EPHA6: variants seen among roughly 807,000 people sequenced by gnomAD.
EPHA6 encodes ephrin type-A receptor 6.
Under a neutral mutation model 112.0 loss-of-function variants are expected in EPHA6, and 50 were observed. The ratio of observed to expected loss-of-function variants is 0.45; its 90% CI spans 0.36 to 0.56. The LOEUF (loss-of-function observed/expected upper bound fraction) is 0.56. EPHA6 is among the 20% of genes least tolerant of loss of function. EPHA6 has a pLI of 0.00. For synonymous variants in EPHA6, 529 were observed against 490.7 expected (o/e 1.08, Z -1.03); for missense variants, 1,280 against 1,417.4 (o/e 0.90, Z 1.56).
chr3:97,080,301 G>T lies in EPHA6; in HGVS notation c.1114+92308G>T, dbSNP rs564095339. Among the ~76,000 whole-genome samples, 16 of 152,190 alleles carry T rather than the reference G, an allele frequency of 1.1e-4. No individual in the cohort carries two copies. The South Asian group carries it at 3.1e-3, about 30-fold the overall frequency. ...CTGCAACAACTCAGTTTGGAAGTGT[G>T]GGGGAGGGAGTTAATGGCAGGATAT... is the stretch of plus-strand genomic sequence containing the variant. On this transcript the variant is annotated intron_variant, in intron 3 of 17. Transcript: ENST00000389672.
At chr3:97,014,077 T>C (rs1349697143) in intron 3 of EPHA6, among the ~76,000 whole-genome samples, 1 of 152,124 alleles carries the variant, frequency 6.6e-6, no homozygotes, top group Non-Finnish European at 1.5e-5. Flanking sequence ...TCTTATACTG[T>C]GTACTTGATT....
chr3:97,547,468 C>T (rs552411648), intron 11 of EPHA6, among the ~76,000 whole-genome samples: 12 of 152,244 alleles, frequency 7.9e-5, no homozygotes, highest in East Asian at 1.9e-4. Context: ...GGTGTCAGTC[C>T]GCCCATACTG....
intron 3 of EPHA6, among the ~76,000 whole-genome samples, chr3:97,012,607 G>GTATATA (rs200070318): frequency 6.8e-5 from 9 of 132,114 alleles, no homozygotes; most frequent in African/African-American, 2.5e-4. Flanking sequence ...GTGTGTGTGT[G>GTATATA]TATATATATA....
chr3:97,642,444 G>T (rs2094016905), intron 14 of EPHA6, among the ~76,000 whole-genome samples: 1 of 145,866 alleles, frequency 6.9e-6, no homozygotes, highest in East Asian at 2.0e-4. Context: ...GATGGAGAAT[G>T]ACTTTGACGA....
At chr3:97,329,581 T>A (rs1197625501) in intron 5 of EPHA6, among the ~76,000 whole-genome samples, 2 of 152,076 alleles carry the variant, frequency 1.3e-5, no homozygotes, top group African/African-American at 2.4e-5. Context: ...TGATGAGCAT[T>A]TTTTCATGTG....
intron 3 of EPHA6, among the ~76,000 whole-genome samples, chr3:97,043,219 G>A (rs2045379546): frequency 6.6e-6 from 1 of 151,986 alleles, no homozygotes; most frequent in African/African-American, 2.4e-5. Context: ...TAAGGCCTCA[G>A]TCCTAATATA....
At chr3:97,330,983 C>T (rs1262770212) in intron 5 of EPHA6, among the ~76,000 whole-genome samples, 1 of 151,954 alleles carries the variant, frequency 6.6e-6, no homozygotes, top group Non-Finnish European at 1.5e-5. Context: ...CAAAATTGAC[C>T]ACATAGTTGG....
At chr3:97,362,245 T>C (rs2084410436) in intron 5 of EPHA6, among the ~76,000 whole-genome samples, 1 of 152,230 alleles carries the variant, frequency 6.6e-6, no homozygotes, top group East Asian at 1.9e-4. Context: ...TTGAGTTTAA[T>C]AGAGATTAAT....
intron 3 of EPHA6, among the ~76,000 whole-genome samples, chr3:97,118,284 T>A: frequency 6.6e-6 from 1 of 151,790 alleles, no homozygotes; most frequent in East Asian, 1.9e-4. Context: ...GAATATTATT[T>A]GTCTTTTTTT....
chr3:96,964,141 C>G (rs867798993), intron 2 of EPHA6, among the ~76,000 whole-genome samples: 13 of 152,112 alleles, frequency 8.5e-5, no homozygotes, highest in South Asian at 8.3e-4. Context: ...CCCCCTCAGG[C>G]GTTTGTCTTT....
At chr3:97,251,096 G>A (rs1175088003) in intron 5 of EPHA6, among the ~76,000 whole-genome samples, 3 of 151,840 alleles carry the variant, frequency 2.0e-5, no homozygotes, top group African/African-American at 4.8e-5. Flanking sequence ...TTGAACTCCC[G>A]ACCTCATGTT....
At chr3:97,711,908 T>A (rs182533082) in intron 14 of EPHA6, among the ~76,000 whole-genome samples, 4 of 152,324 alleles carry the variant, frequency 2.6e-5, no homozygotes, top group African/African-American at 9.6e-5. Flanking sequence ...TGCTTTGTAT[T>A]AGTATTATTC....
chr3:97,491,332 C>A (rs547826510), intron 10 of EPHA6, among the ~76,000 whole-genome samples: 40 of 152,274 alleles, frequency 2.6e-4, no homozygotes, highest in African/African-American at 8.7e-4. Flanking sequence ...CCCCTTCAGT[C>A]CAATTCACAT....
At chr3:96,857,536 T>A (rs1365554745) in intron 1 of EPHA6, among the ~76,000 whole-genome samples, 1 of 151,182 alleles carries the variant, frequency 6.6e-6, no homozygotes, top group Non-Finnish European at 1.5e-5. Context: ...ACTGTGACAT[T>A]TCCTCAGTAG....
At chr3:97,009,202 C>A (rs753111549) in intron 3 of EPHA6, among the ~76,000 whole-genome samples, 1 of 151,996 alleles carries the variant, frequency 6.6e-6, no homozygotes, top group Non-Finnish European at 1.5e-5. Flanking sequence ...CTCAGAACTA[C>A]CAAGAGGAAA....
At chr3:96,837,478 C>A (rs769407090) in intron 1 of EPHA6, among the ~76,000 whole-genome samples, 4 of 151,984 alleles carry the variant, frequency 2.6e-5, no homozygotes, top group Non-Finnish European at 5.9e-5. Context: ...AGACAAGGAA[C>A]GAATTTTGTA....
At chr3:96,931,826 AG>A (rs979376411) in intron 2 of EPHA6, among the ~76,000 whole-genome samples, 1 of 152,128 alleles carries the variant, frequency 6.6e-6, no homozygotes, top group African/African-American at 2.4e-5. Context: ...CCCTGGATTC[AG>A]CCCGCTTCCT....
At chr3:97,643,084 G>T (rs2094024061) in intron 14 of EPHA6, among the ~76,000 whole-genome samples, 1 of 152,248 alleles carries the variant, frequency 6.6e-6, no homozygotes, top group Non-Finnish European at 1.5e-5. Context: ...CCGACTAACA[G>T]TGGATCTCTC....
chr3:97,126,769 A>C (rs1281874924), intron 3 of EPHA6, among the ~76,000 whole-genome samples: 2 of 152,138 alleles, frequency 1.3e-5, no homozygotes, highest in Non-Finnish European at 2.9e-5. Context: ...AATTAAATCC[A>C]TTTGAACTAA....
Sources: allele counts gnomAD v4.1 joint callset (sites outside exome capture counted in the v4.1 genomes callset), GRCh38; gene constraint gnomAD v4.1.1; transcripts MANE v1.5; gene names NCBI Gene and HGNC (gene_info 2026-07-23, HGNC 2026-07-21).